MORC3: variants seen among roughly 807,000 people sequenced by gnomAD.
The protein encoded by MORC3 is MORC family CW-type zinc finger protein 3.
MORC3 carries 31 observed loss-of-function variants against 109.1 expected under a neutral mutation model. The observed-to-expected ratio is 0.28, with a 90% confidence interval of 0.21 to 0.38. The LOEUF is 0.38. Among genes scored for constraint, MORC3 ranks in the 10% least tolerant of loss-of-function variants. The pLI is 1.00. For synonymous variants in MORC3, 395 were observed against 380.7 expected (o/e 1.04, Z -0.44); for missense variants, 867 against 1,135.8 (o/e 0.76, Z 3.40).
chr21:36,332,912 C>T (rs559828608), intron 1 of MORC3, among the ~76,000 whole-genome samples: 79 of 152,072 alleles, frequency 5.2e-4, no homozygotes, highest in Non-Finnish European at 1.0e-3. Context: ...CTCAGCCTCC[C>T]GAGTAGCTGG....
At chr21:36,339,062 G>A in intron 5 of MORC3, 141 bp downstream of exon 5, 11 of 1,004,824 alleles carry the variant, frequency 1.1e-5, no homozygotes, top group South Asian at 4.0e-5. Flanking sequence ...ATTTGTCTTT[G>A]CCCAGGATAT....
chr21:36,328,481 C>T (rs1051677654), intron 1 of MORC3, among the ~76,000 whole-genome samples: 1 of 151,804 alleles, frequency 6.6e-6, no homozygotes, highest in Non-Finnish European at 1.5e-5. Flanking sequence ...AGCTGGGACA[C>T]AGGCGCGCAC....
intron 4 of MORC3, 128 bp downstream of exon 4, chr21:36,338,074 C>G: frequency 1.1e-6 from 1 of 923,146 alleles, no homozygotes; most frequent in South Asian, 1.7e-5. Flanking sequence ...TACCTCTGTC[C>G]TCTGCATTTA....
chr21:36,336,427 A>G (rs1284965822), intron 2 of MORC3, among the ~76,000 whole-genome samples: 1 of 150,624 alleles, frequency 6.6e-6, no homozygotes, highest in Admixed American at 6.6e-5. Context: ...ATTTTTTAGT[A>G]GAGATGGGGT....
chr21:36,335,986 C>T (rs770370459), intron 2 of MORC3, among the ~76,000 whole-genome samples: 21 of 152,020 alleles, frequency 1.4e-4, no homozygotes, highest in Admixed American at 2.6e-4. Context: ...AGTGCAATGG[C>T]GCTATCTCAG....
intron 5 of MORC3, among the ~76,000 whole-genome samples, chr21:36,340,638 C>CTTTTTTTTTTTTTTTTTT (rs34899654): frequency 1.6e-5 from 2 of 123,678 alleles, no homozygotes; most frequent in Admixed American, 9.0e-5. Flanking sequence ...TTCTTTCTTT[C>CTTTTTTTTTTTTTTTTTT]TTTTTTTTTT....
At chr21:36,331,527 G>A (rs1039715030) in intron 1 of MORC3, among the ~76,000 whole-genome samples, 2 of 152,108 alleles carry the variant, frequency 1.3e-5, no homozygotes, top group African/African-American at 2.4e-5. Context: ...AAGTAAACCC[G>A]GCGGGCGGAG....
Position 36,369,672 on chromosome 21 carries a change from T to G in MORC3, c.2304T>G (p.His768Gln), listed in dbSNP as rs769285497. The G allele has an allele frequency of 1.2e-6, 2 of 1,614,184 alleles. No individual in the cohort carries two copies. The highest frequency in any genetic ancestry group is 2.2e-5 in the South Asian group (2 of 91,084). Residue 768 changes from histidine (H) to glutamine (Q), a missense_variant, in exon 15 of 17, where the codon CAT becomes CAG. Coordinates refer to ENST00000400485, the MANE Select transcript of MORC3 (RefSeq NM_015358.3). Reference sequence around the variant, plus strand: ...ATGGCAAATCTGAAAGTCCAGACCATATGGTATCTCAGTATCAGCAAGCTT... The same window carrying G: ...ATGGCAAATCTGAAAGTCCAGACCAGATGGTATCTCAGTATCAGCAAGCTT... ...SINGKSESPD[H>Q]MVSQYQQALE...
chr21:36,340,288 A>AC (rs1272498212), intron 5 of MORC3, among the ~76,000 whole-genome samples: 311 of 151,752 alleles, frequency 2.0e-3, no homozygotes, highest in African/African-American at 6.9e-3. Context: ...AAAAAAAAAA[A>AC]AAAAAACTAT....
intron 12 of MORC3, among the ~76,000 whole-genome samples, chr21:36,361,142 A>G (rs1259321422): frequency 2.6e-5 from 4 of 151,932 alleles, no homozygotes; most frequent in African/African-American, 4.8e-5. Context: ...TGGAGACTTC[A>G]GGCTAATCTA....
intron 1 of MORC3, among the ~76,000 whole-genome samples, chr21:36,326,521 TATAA>T (rs910853288): frequency 1.3e-5 from 2 of 152,158 alleles, no homozygotes; most frequent in African/African-American, 4.8e-5. Flanking sequence ...TCCATCTCTA[TATAA>T]ATAAATAATA....
intron 10 of MORC3, among the ~76,000 whole-genome samples, chr21:36,359,081 A>G (rs2085681892): frequency 6.6e-6 from 1 of 152,206 alleles, no homozygotes; most frequent in Admixed American, 6.5e-5. Flanking sequence ...ATTTAAAGTT[A>G]CTTAAATTAT....
chr21:36,351,057 C>CTTTTTTTTT (rs748042243), intron 9 of MORC3, among the ~76,000 whole-genome samples: 4 of 71,428 alleles, frequency 5.6e-5, no homozygotes, highest in Non-Finnish European at 1.0e-4. Context: ...GGTTGTCCTC[C>CTTTTTTTTT]TTTTTTTTTT....
rs2146349206 is a variant in MORC3, at chr21:36,375,465, T to C, written c.*169T>C. Reference sequence around the variant, plus strand: ...TCACAAATATTGTGGACACATTATCTTATGTTTTGAAATACCTGTGAATTG... The same window carrying C: ...TCACAAATATTGTGGACACATTATCCTATGTTTTGAAATACCTGTGAATTG... On this transcript the variant is annotated 3_prime_UTR_variant, in exon 17 of 17. Coordinates refer to ENST00000400485, the MANE Select transcript of MORC3 (RefSeq NM_015358.3). 1 of 580,110 alleles carries C rather than the reference T, an allele frequency of 1.7e-6. No individual in the cohort carries two copies. Among genetic ancestry groups the C allele is most frequent in the South Asian group, 2.5e-5 (1 of 39,860 alleles). 35.9% of individuals were successfully genotyped at this position (580,110 alleles called of 1,614,324 possible).
At chr21:36,327,316 C>T (rs1157113427) in intron 1 of MORC3, among the ~76,000 whole-genome samples, 4 of 151,062 alleles carry the variant, frequency 2.6e-5, no homozygotes, top group Admixed American at 2.6e-4. Flanking sequence ...ACCACCACAC[C>T]TGGCTAATTT....
intron 9 of MORC3, among the ~76,000 whole-genome samples, chr21:36,353,411 G>A (rs946497489): frequency 6.8e-6 from 1 of 147,706 alleles, no homozygotes; most frequent in Non-Finnish European, 1.5e-5. Flanking sequence ...TCAGGCCGGT[G>A]CGGTGGCTCA....
At chr21:36,357,382 C>T (rs2085656604) in intron 10 of MORC3, among the ~76,000 whole-genome samples, 1 of 151,994 alleles carries the variant, frequency 6.6e-6, no homozygotes, top group South Asian at 2.1e-4. Flanking sequence ...AAAGATGCAG[C>T]TCAGTGTATA....
intron 1 of MORC3, among the ~76,000 whole-genome samples, chr21:36,324,957 C>T (rs1353222153): frequency 6.6e-6 from 1 of 152,112 alleles, no homozygotes; most frequent in Non-Finnish European, 1.5e-5. Flanking sequence ...GATCCACCCG[C>T]CTCGGCCTCC....
Position 36,375,154 on chromosome 21 carries a change from G to A in MORC3, c.2678G>A (p.Arg893Gln). 1.2e-6 allele frequency: 2 copies of A among 1,611,574 alleles called. No homozygotes were observed. Among genetic ancestry groups the A allele is most frequent in the Non-Finnish European group, 1.7e-6 (2 of 1,179,144 alleles). The change falls in exon 17 of 17, where the codon CGA becomes CAA. Residue 893 changes from arginine to glutamine, a missense_variant. Physicochemically the swap from Arg to Gln is conservative, Grantham distance 43 (BLOSUM62 1). Around this residue, in one of 7 missense-constraint regions of MORC3, gnomAD observed 7 missense variants for 23.4 expected, o/e 0.30. Coordinates refer to ENST00000400485, the MANE Select transcript of MORC3 (RefSeq NM_015358.3). Reference sequence around the variant, plus strand: ...ATTTGTATTTGCAGCCTCAAACTCCGATCTCTTCGAGTTAACGTAGGACAA... The same window carrying A: ...ATTTGTATTTGCAGCCTCAAACTCCAATCTCTTCGAGTTAACGTAGGACAA... ...NHMDGESLKL[R>Q]SLRVNVGQLL...
Sources: gnomAD v4.1 joint callset for allele counts (sites outside exome capture counted in the v4.1 genomes callset) on GRCh38, gnomAD v4.1.1 for gene constraint, gnomAD v4.1.1 regional missense constraint, MANE v1.5 for transcripts, NCBI Gene and HGNC (gene_info 2026-07-23, HGNC 2026-07-21) for gene names.